The following SCHIP1 variants were observed in gnomAD, a reference collection of about 807,000 sequenced individuals.
The protein encoded by SCHIP1 is schwannomin interacting protein 1.
In SCHIP1, 8 loss-of-function variants were observed where a neutral mutation model predicts 29.7. The ratio of observed to expected loss-of-function variants is 0.27; its 90% CI spans 0.16 to 0.49. The LOEUF (loss-of-function observed/expected upper bound fraction) is 0.49, where lower values mean the gene tolerates loss of function less well. SCHIP1 is among the 20% of genes least tolerant of loss of function. The probability of loss-of-function intolerance (pLI) is 0.99; values close to 1 mark genes in which losing one functional copy is unlikely to be tolerated. For missense variants in SCHIP1, 193 were observed against 294.6 expected (o/e 0.66, Z 2.52); for synonymous variants, 76 against 94.9 (o/e 0.80, Z 1.16).
chr3:159,817,082 C>G, the SCHIP1 span, among the ~76,000 whole-genome samples: 1 of 152,068 alleles, frequency 6.6e-6, no homozygotes, highest in African/African-American at 2.4e-5. Context: ...TCTCTGTATT[C>G]CTTGAGCCTG....
the SCHIP1 span, among the ~76,000 whole-genome samples, chr3:159,695,613 G>A: frequency 6.6e-6 from 1 of 152,146 alleles, no homozygotes; most frequent in Non-Finnish European, 1.5e-5. Context: ...GGGCCTAACA[G>A]GGTACAATAA....
At chr3:159,457,066 A>G in the SCHIP1 span, among the ~76,000 whole-genome samples, 1 of 152,194 alleles carries the variant, frequency 6.6e-6, no homozygotes, top group Non-Finnish European at 1.5e-5. Context: ...AAATTACAAA[A>G]GCTTGCATAT....
the SCHIP1 span, among the ~76,000 whole-genome samples, chr3:159,485,195 A>C: frequency 5.1e-3 from 774 of 152,280 alleles, 3 homozygotes; most frequent in Non-Finnish European, 8.4e-3. Flanking sequence ...TAGCTTTACT[A>C]TGTCTAAGAG....
At chr3:159,617,681 G>C in the SCHIP1 span, among the ~76,000 whole-genome samples, 16 of 152,136 alleles carry the variant, frequency 1.1e-4, no homozygotes, top group South Asian at 3.3e-3. Context: ...TATTCTTTAG[G>C]CTCACTCATT....
the SCHIP1 span, among the ~76,000 whole-genome samples, chr3:159,763,205 G>C: frequency 5.9e-5 from 9 of 152,064 alleles, no homozygotes; most frequent in East Asian, 1.9e-4. Flanking sequence ...GAGAGGAAGC[G>C]GCGAGGAGGA....
chr3:159,799,813 G>C, the SCHIP1 span, among the ~76,000 whole-genome samples: 1 of 152,166 alleles, frequency 6.6e-6, no homozygotes, highest in African/African-American at 2.4e-5. Flanking sequence ...TTTAAAATTT[G>C]GACTTTATCC....
chr3:159,731,500 A>T, the SCHIP1 span, among the ~76,000 whole-genome samples: 2 of 152,184 alleles, frequency 1.3e-5, no homozygotes, highest in Non-Finnish European at 1.5e-5. Flanking sequence ...GTGCGTGTTT[A>T]TCTGTTTCGG....
chr3:159,687,321 C>T, the SCHIP1 span, among the ~76,000 whole-genome samples: 1 of 151,922 alleles, frequency 6.6e-6, no homozygotes, highest in Non-Finnish European at 1.5e-5. Context: ...TTTTCTTCTC[C>T]TCTCCCTCTC....
At chr3:159,736,878 G>A in the SCHIP1 span, among the ~76,000 whole-genome samples, 2 of 152,130 alleles carry the variant, frequency 1.3e-5, no homozygotes, top group Admixed American at 1.3e-4. Context: ...GGGACTACAG[G>A]CACCCGCCAC....
the SCHIP1 span, among the ~76,000 whole-genome samples, chr3:159,493,197 C>A: frequency 6.6e-6 from 1 of 151,800 alleles, no homozygotes; most frequent in Non-Finnish European, 1.5e-5. Context: ...CATCAACTAA[C>A]GAGCAAAATA....
chr3:159,428,536 T>A, the SCHIP1 span, among the ~76,000 whole-genome samples: 22 of 151,958 alleles, frequency 1.4e-4, no homozygotes, highest in African/African-American at 5.1e-4. Flanking sequence ...CATTAAAAGG[T>A]CAGGAAACAA....
the SCHIP1 span, among the ~76,000 whole-genome samples, chr3:159,668,592 G>A: frequency 6.6e-6 from 1 of 152,074 alleles, no homozygotes; most frequent in Admixed American, 6.5e-5. Context: ...TAACAATAGA[G>A]TCAAGATCAC....
the SCHIP1 span, among the ~76,000 whole-genome samples, chr3:159,345,132 G>C: frequency 6.6e-6 from 1 of 151,034 alleles, no homozygotes; most frequent in African/African-American, 2.4e-5. Context: ...GGAGGCTGAG[G>C]CAGAGAATTG....
At chr3:159,665,049 A>G in the SCHIP1 span, among the ~76,000 whole-genome samples, 1 of 152,188 alleles carries the variant, frequency 6.6e-6, no homozygotes, top group East Asian at 1.9e-4. Flanking sequence ...GCACATTACA[A>G]TCACCGGGGG....
chr3:159,426,104 T>C, the SCHIP1 span, among the ~76,000 whole-genome samples: 2 of 151,704 alleles, frequency 1.3e-5, no homozygotes, highest in Non-Finnish European at 2.9e-5. Context: ...AGATCCAAAA[T>C]TGACACCCTA....
the SCHIP1 span, among the ~76,000 whole-genome samples, chr3:159,304,108 C>A: frequency 6.7e-6 from 1 of 149,118 alleles, no homozygotes; most frequent in African/African-American, 2.5e-5. Flanking sequence ...TGAGAATATA[C>A]GGTGTTTGGT....
chr3:159,849,252 A>G (rs1189555284), intron 1 of SCHIP1, among the ~76,000 whole-genome samples: 1 of 152,190 alleles, frequency 6.6e-6, no homozygotes, highest in Non-Finnish European at 1.5e-5. Flanking sequence ...GTACACATAT[A>G]TTAATCTGTA....
At chr3:159,890,766 G>A (rs933660068) in intron 5 of SCHIP1, among the ~76,000 whole-genome samples, 2 of 151,450 alleles carry the variant, frequency 1.3e-5, no homozygotes, top group African/African-American at 4.9e-5. Flanking sequence ...ACCTCTTTGT[G>A]TGATTTTTTT....
chr3:159,397,296 C>A, the SCHIP1 span, among the ~76,000 whole-genome samples: 2 of 152,100 alleles, frequency 1.3e-5, no homozygotes, highest in Non-Finnish European at 2.9e-5. Flanking sequence ...GTAATTTGAT[C>A]GTCTGAAGCC....
Sources: gnomAD v4.1 joint callset for allele counts (sites outside exome capture counted in the v4.1 genomes callset) on GRCh38, gnomAD v4.1.1 for gene constraint, MANE v1.5 for transcripts, NCBI Gene and HGNC (gene_info 2026-07-23, HGNC 2026-07-21) for gene names.